SCHIP1: variants seen among roughly 807,000 people sequenced by gnomAD.
SCHIP1 encodes schwannomin interacting protein 1, also known as schwannomin-interacting protein 1.
SCHIP1 carries 8 observed loss-of-function variants against 29.7 expected under a neutral mutation model. That is an observed-to-expected ratio of 0.27 (90% CI 0.16 to 0.49). SCHIP1 has a LOEUF of 0.49. Ranked by LOEUF, SCHIP1 falls within the 20% of genes least tolerant of loss-of-function variation. The pLI is 0.99. For synonymous variants in SCHIP1, 76 were observed against 94.9 expected, an observed-to-expected ratio of 0.80 and a Z score of 1.16; for missense variants, 193 against 294.6, an observed-to-expected ratio of 0.66 and a Z score of 2.52.
the SCHIP1 span, among the ~76,000 whole-genome samples, chr3:159,337,147 CA>C: frequency 4.1e-3 from 622 of 152,180 alleles, 12 homozygotes; most frequent in Admixed American, 0.023. Flanking sequence ...AATTCAACAA[CA>C]CTTCATACTA....
intron 1 of SCHIP1, among the ~76,000 whole-genome samples, chr3:159,851,681 C>T (rs979977218): frequency 3.3e-5 from 5 of 152,172 alleles, no homozygotes; most frequent in African/African-American, 1.2e-4. Context: ...AAGTCTTAGC[C>T]TTGGTGAATT....
chr3:159,864,804 T>C (rs1714446403), intron 1 of SCHIP1, among the ~76,000 whole-genome samples: 1 of 152,184 alleles, frequency 6.6e-6, no homozygotes, highest in South Asian at 2.1e-4. Flanking sequence ...TCATGTATTT[T>C]ATTCTGTGCT....
chr3:159,860,022 T>A (rs1225701286), intron 1 of SCHIP1, among the ~76,000 whole-genome samples: 1 of 152,086 alleles, frequency 6.6e-6, no homozygotes, highest in East Asian at 1.9e-4. Flanking sequence ...TGTCTGTCTG[T>A]CTGTCTGCGT....
chr3:159,756,925 C>T, the SCHIP1 span, among the ~76,000 whole-genome samples: 2 of 152,220 alleles, frequency 1.3e-5, no homozygotes, highest in Non-Finnish European at 2.9e-5. Flanking sequence ...CATCTGAGAC[C>T]ACTTCAGTCA....
the SCHIP1 span, among the ~76,000 whole-genome samples, chr3:159,822,901 A>C: frequency 1.3e-5 from 2 of 151,994 alleles, no homozygotes; most frequent in African/African-American, 4.8e-5. Context: ...CTCATCCAAC[A>C]GGCTGTTTGG....
At chr3:159,629,046 T>C in the SCHIP1 span, among the ~76,000 whole-genome samples, 1 of 152,016 alleles carries the variant, frequency 6.6e-6, no homozygotes, top group Non-Finnish European at 1.5e-5. Flanking sequence ...CTCAAAAGAG[T>C]ACATTCTATC....
At chr3:159,345,554 T>TCTCTCTCTCTCTCTCTCTC in the SCHIP1 span, among the ~76,000 whole-genome samples, 27 of 93,518 alleles carry the variant, frequency 2.9e-4, no homozygotes, top group South Asian at 3.8e-3. Flanking sequence ...GTGTCTCTCT[T>TCTCTCTCTCTCTCTCTCTC]TCTCTCTCTC....
chr3:159,459,996 C>A, the SCHIP1 span, among the ~76,000 whole-genome samples: 1 of 152,166 alleles, frequency 6.6e-6, no homozygotes, highest in African/African-American at 2.4e-5. Flanking sequence ...TTGTTTAACT[C>A]AGTCTGTAGT....
At chr3:159,649,782 C>T in the SCHIP1 span, among the ~76,000 whole-genome samples, 1 of 152,092 alleles carries the variant, frequency 6.6e-6, no homozygotes, top group Non-Finnish European at 1.5e-5. Flanking sequence ...GAAAGTTCAT[C>T]AATGTTATGG....
chr3:159,468,855 C>A, the SCHIP1 span, among the ~76,000 whole-genome samples: 2 of 150,426 alleles, frequency 1.3e-5, no homozygotes, highest in Non-Finnish European at 3.0e-5. Context: ...CAAGCTCTGC[C>A]TCCCAGGTTC....
the SCHIP1 span, among the ~76,000 whole-genome samples, chr3:159,320,169 C>T: frequency 6.6e-6 from 1 of 152,198 alleles, no homozygotes; most frequent in Non-Finnish European, 1.5e-5. Flanking sequence ...AACTAATTTA[C>T]ATTATAAACA....
chr3:159,758,194 C>CA, the SCHIP1 span, among the ~76,000 whole-genome samples: 1 of 152,052 alleles, frequency 6.6e-6, no homozygotes, highest in African/African-American at 2.4e-5. Context: ...GCTCTGTCAC[C>CA]CAGGCTGGAA....
chr3:159,840,190 A>G (rs1463590956), exon 1 of SCHIP1: 5 of 1,535,652 alleles, frequency 3.3e-6, no homozygotes, highest in Non-Finnish European at 4.4e-6. Flanking sequence ...CTGAGATGGT[A>G]CATCAGGATA....
the SCHIP1 span, among the ~76,000 whole-genome samples, chr3:159,655,647 T>C: frequency 2.6e-4 from 39 of 152,106 alleles, no homozygotes; most frequent in Non-Finnish European, 4.7e-4. Flanking sequence ...CCCAGCACTT[T>C]GGGAGGCTGA....
exon 7 of SCHIP1, chr3:159,896,815 T>C: frequency 6.3e-7 from 1 of 1,581,062 alleles, no homozygotes; most frequent in Non-Finnish European, 8.6e-7. Flanking sequence ...GAATTTATTT[T>C]GCTTCTGTGG....
At chr3:159,694,591 AGAAAGAAAG>A in the SCHIP1 span, among the ~76,000 whole-genome samples, 1 of 146,084 alleles carries the variant, frequency 6.8e-6, no homozygotes, top group Non-Finnish European at 1.5e-5. Context: ...AAAGAAAGAA[AGAAAGAAAG>A]AAAGAAAGGA....
At chr3:159,556,961 G>T in the SCHIP1 span, among the ~76,000 whole-genome samples, 1 of 150,054 alleles carries the variant, frequency 6.7e-6, no homozygotes, top group Non-Finnish European at 1.5e-5. Flanking sequence ...AAAAAAAAAA[G>T]ATTTTTTTTT....
At chr3:159,764,746 G>A in the SCHIP1 span, 4 of 1,572,616 alleles carry the variant, frequency 2.5e-6, no homozygotes, top group Non-Finnish European at 3.4e-6. The surrounding 1 kb of genome is among the most constrained non-coding windows in gnomAD (Gnocchi z 6.1). Flanking sequence ...CCGGGAACCG[G>A]GGGACGTAAG....
chr3:159,403,306 A>G, the SCHIP1 span, among the ~76,000 whole-genome samples: 1 of 152,170 alleles, frequency 6.6e-6, no homozygotes. Flanking sequence ...TCCACACCAA[A>G]TATCACCTTC....
Sources: gnomAD v4.1 joint callset for allele counts (sites outside exome capture counted in the v4.1 genomes callset) on GRCh38, gnomAD v4.1.1 for gene constraint, Gnocchi (gnomAD v3.1) non-coding constraint, MANE v1.5 for transcripts, NCBI Gene and HGNC (gene_info 2026-07-23, HGNC 2026-07-21) for gene names.